The following BCAT2 variants were observed in gnomAD, a reference collection of about 807,000 sequenced individuals.
BCAT2 encodes branched chain amino acid transaminase 2, also known as branched-chain-amino-acid aminotransferase, mitochondrial.
In BCAT2, 44 loss-of-function variants were observed where a neutral mutation model predicts 52.9. The observed-to-expected ratio is 0.83, with a 90% CI of 0.65 to 1.07. The LOEUF (loss-of-function observed/expected upper bound fraction) is 1.07. Among genes scored for constraint, BCAT2 ranks in the 50% least tolerant of loss-of-function variants. The pLI is 0.00. For synonymous variants in BCAT2, 215 were observed against 217.1 expected, an observed-to-expected ratio of 0.99 and a Z score of 0.08; for missense variants, 478 against 521.8, an observed-to-expected ratio of 0.92 and a Z score of 0.82.
In BCAT2 at chr19:48,797,026, G is replaced by C; in HGVS notation, c.839-4C>G. Reference sequence around the variant, plus strand: ...GGGGGCGTCACCAGCTCCAGCACTAGGGCAGGTGTAAGGGGTGGAAGATGT... The same window carrying C: ...GGGGGCGTCACCAGCTCCAGCACTACGGCAGGTGTAAGGGGTGGAAGATGT... On this transcript the variant is annotated splice_polypyrimidine_tract_variant and splice_region_variant and intron_variant, in intron 7 of 10. Transcript: ENST00000316273. 6.2e-7 allele frequency: 1 copy of C among 1,614,164 alleles called. No individual in the cohort carries two copies. Among genetic ancestry groups the C allele is most frequent in the Non-Finnish European group, 8.5e-7 (1 of 1,180,012 alleles).
In BCAT2 at chr19:48,807,411, C is replaced by T. The variant is rs2122696130; in HGVS notation, c.25-337G>A. The T allele has an allele frequency of 8.3e-6, 2 of 240,788 alleles. No individual in the cohort carries two copies. Among genetic ancestry groups the T allele is most frequent in the African/African-American group, 2.3e-5 (1 of 42,838 alleles). The allele number at this position is 240,788 out of a possible 1,614,324, so 14.9% of individuals were successfully genotyped here. On this transcript the variant is annotated intron_variant, in intron 1 of 10. Transcript: ENST00000316273. This position sits in a 1 kb window ranked among gnomAD's most constrained non-coding sequence, Gnocchi z 4.6. ...GGGAAGGCACACAGGTAAGTGAAGG[C>T]CTCCGGGTACCCAAGTGCTGACAGG... is the stretch of plus-strand genomic sequence containing the variant.
At position 48,799,642 on chromosome 19, in the gene BCAT2, G is replaced by T; in HGVS notation, c.695+33C>A. ...TCCCTGTGTCTCCAACGCCCAGTGC[G>T]CCAGTCGTTCTGGGGATGGGGGTGC... On this transcript the variant is annotated intron_variant, in intron 6 of 10. Coordinates refer to ENST00000316273, the MANE Select transcript of BCAT2 (RefSeq NM_001190.4). This position sits in a 1 kb window ranked among gnomAD's most constrained non-coding sequence, Gnocchi z 5.5. 1 of 1,532,722 alleles carries T rather than the reference G, an allele frequency of 6.5e-7. No homozygotes were observed. The highest frequency in any genetic ancestry group is 1.3e-5 in the South Asian group (1 of 78,538). The allele number at this position is 1,532,722 out of a possible 1,614,324, so 94.9% of individuals were successfully genotyped here.
In BCAT2 at chr19:48,800,252, G is replaced by A. The variant is rs751932058; in HGVS notation, c.346C>T (p.Arg116Cys). Residue 116 changes from arginine (R) to cysteine (C), a missense_variant, in exon 4 of 11, where the codon CGC becomes TGC. Coordinates refer to ENST00000316273, the MANE Select transcript of BCAT2 (RefSeq NM_001190.4). ...KAFKGKDQQVRLFRPWLNMDR... is the reference protein window; with the variant it reads ...KAFKGKDQQVCLFRPWLNMDR... ...ATGTTGAGCCAGGGGCGGAAGAGGC[G>A]CACCTGCTGGTCTTTGCCTTTGAAC... The A allele has an allele frequency of 2.5e-6, 4 of 1,613,782 alleles. No individual in the cohort carries two copies. The South Asian group carries it at 4.4e-5, about 18-fold the overall frequency.
intron 10 of BCAT2, 191 bp downstream of exon 10, chr19:48,796,237 A>C (rs1210624693): frequency 1.5e-6 from 1 of 688,536 alleles, no homozygotes; most frequent in Non-Finnish European, 2.4e-6. Flanking sequence ...GGAAAGGGTG[A>C]TTTAGCCCCA....
rs1298018189 is a variant in BCAT2 at position 48,797,321 on chromosome 19, G to A, written c.708C>T (p.Pro236=). The change falls in exon 7 of 11, where the codon CCC becomes CCT. Residue 236 remains proline (P), a synonymous_variant. Transcript: ENST00000316273. ...GTGCCTCCTGTTGCACTAACACGGT[G>A]GGCCCATAATTCCTGGTGGAGGGCA... is the stretch of plus-strand genomic sequence containing the variant. ...GNYKLGGNYG[P]TVLVQQEALK... The A allele has an allele frequency of 6.2e-7, 1 of 1,614,080 alleles. No homozygotes were observed. The highest frequency in any genetic ancestry group is 1.1e-5 in the South Asian group (1 of 91,066).
At chr19:48,796,885 GCCCTGGC>G in intron 8 of BCAT2, 45 bp downstream of exon 8, 1 of 1,606,248 alleles carries the variant, frequency 6.2e-7, no homozygotes, top group Non-Finnish European at 8.5e-7. Context: ...GCCCTCTGAT[GCCCTGGC>G]CCCTGGCACA....
chr19:48,806,949 C>G (rs1370204256), intron 2 of BCAT2, 51 bp downstream of exon 2: 1 of 1,590,000 alleles, frequency 6.3e-7, no homozygotes, highest in Non-Finnish European at 8.6e-7. Context: ...CCAAAACCAG[C>G]TGCCAGCCCC....
At position 48,796,956 on chromosome 19, in the gene BCAT2, A is replaced by G; in HGVS notation, c.905T>C (p.Leu302Pro). The G allele has an allele frequency of 6.2e-7, 1 of 1,614,198 alleles. No homozygotes were observed. Among genetic ancestry groups the G allele is most frequent in the Non-Finnish European group, 8.5e-7 (1 of 1,180,014 alleles). The change falls in exon 8 of 11, where the codon CTG becomes CCG. Residue 302 changes from leucine to proline, a missense_variant. By Grantham distance (98) the Leu-to-Pro change is moderately conservative (BLOSUM62 -3). Coordinates refer to ENST00000316273, the MANE Select transcript of BCAT2 (RefSeq NM_001190.4). ...CCTCACCCAGGTCTGAGCCATGTCC[A>G]GTAGACTCTGTCTGACCACTCCAGG... ...ILPGVVRQSL[L>P]DMAQTWGEFR...
At position 48,807,907 on chromosome 19, in the gene BCAT2, C is replaced by T. The variant is rs1027411579; in HGVS notation, c.25-833G>A. The stretch of plus-strand genomic sequence containing the variant: ...AGGGGAGTAGGAAGAGCAGGTCTGG[C>T]TGTGTCCAGCAGGCTGGGCCCTCTC... On this transcript the variant is annotated intron_variant, in intron 1 of 10. Coordinates refer to ENST00000316273, the MANE Select transcript of BCAT2 (RefSeq NM_001190.4). The surrounding 1 kb of genome is among the most constrained non-coding windows in gnomAD (Gnocchi z 4.6). The T allele has an allele frequency of 2.0e-6, 2 of 985,852 alleles. No individual in the cohort carries two copies. The highest frequency in any genetic ancestry group is 2.4e-6 in the Non-Finnish European group (2 of 830,212). 61.1% of individuals were successfully genotyped at this position (985,852 alleles called of 1,614,324 possible).
At chr19:48,804,774 G>A (rs1238314649) in intron 3 of BCAT2, among the ~76,000 whole-genome samples, 1 of 152,140 alleles carries the variant, frequency 6.6e-6, no homozygotes, top group Non-Finnish European at 1.5e-5. Flanking sequence ...CCCAGCCAGA[G>A]GACAACTGCT....
chr19:48,797,126 C>G (rs529689072), intron 7 of BCAT2, 65 bp downstream of exon 7: 1 of 1,607,480 alleles, frequency 6.2e-7, no homozygotes, highest in African/African-American at 1.3e-5. Context: ...GGGCCTGTAA[C>G]CTGCCAGGAA....
intron 7 of BCAT2, 29 bp downstream of exon 7, chr19:48,797,162 G>T: frequency 6.2e-7 from 1 of 1,612,634 alleles, no homozygotes; most frequent in Non-Finnish European, 8.5e-7. Flanking sequence ...CTTCCACCAG[G>T]GTTCGGGCTG....
At position 48,799,464 on chromosome 19, in the gene BCAT2, C is replaced by T. The variant is rs1024324573; in HGVS notation, c.695+211G>A. 1.6e-6 allele frequency: 1 copy of T among 642,558 alleles called. No homozygotes were observed. The highest frequency in any genetic ancestry group is 2.4e-6 in the Non-Finnish European group (1 of 412,808). The allele number at this position is 642,558 out of a possible 1,614,324, so 39.8% of individuals were successfully genotyped here. ...ACCCAATGCCTTCCCATCTGTGAGC[C>T]TTTTTGTCCATCTGAAAAATAATCC... On this transcript the variant is annotated intron_variant, in intron 6 of 10. Transcript: ENST00000316273. This position sits in a 1 kb window ranked among gnomAD's most constrained non-coding sequence, Gnocchi z 5.5.
rs1257777221 is a variant in BCAT2, at chr19:48,799,356, TG to T, written c.695+318del. 2.2e-5 allele frequency: 6 copies of T among 268,712 alleles called. No individual in the cohort carries two copies. Among genetic ancestry groups the T allele is most frequent in the African/African-American group, 1.3e-4 (6 of 45,076 alleles). The allele number at this position is 268,712 out of a possible 1,614,324, so 16.6% of individuals were successfully genotyped here. ...AGCCTGGGGGATCAGGGGAGGCTTCTGGGGCGAGAAGCCAATGAGCTGAGTG... is the reference window on the plus strand; with the variant it reads ...AGCCTGGGGGATCAGGGGAGGCTTCTGGGCGAGAAGCCAATGAGCTGAGTG... On this transcript the variant is annotated intron_variant, in intron 6 of 10. Coordinates refer to ENST00000316273, the MANE Select transcript of BCAT2 (RefSeq NM_001190.4). The surrounding 1 kb of genome is among the most constrained non-coding windows in gnomAD (Gnocchi z 5.5).
intron 7 of BCAT2, 28 bp downstream of exon 7, chr19:48,797,163 G>C (rs1368680263): frequency 4.3e-6 from 7 of 1,612,594 alleles, no homozygotes; most frequent in Non-Finnish European, 5.9e-6. Context: ...TTCCACCAGG[G>C]TTCGGGCTGG....
intron 3 of BCAT2, among the ~76,000 whole-genome samples, chr19:48,805,285 C>T (rs1302087745): frequency 6.6e-6 from 1 of 152,118 alleles, no homozygotes. Context: ...AAAGCCGCTC[C>T]TCCTCCTGGG....
At chr19:48,805,560 G>A (rs1042155474) in intron 3 of BCAT2, among the ~76,000 whole-genome samples, 3 of 151,978 alleles carry the variant, frequency 2.0e-5, no homozygotes, top group South Asian at 2.1e-4. Flanking sequence ...CTCTACTCCC[G>A]TTTGGGGTTT....
rs2034613166 is a variant in BCAT2 at position 48,799,769 on chromosome 19, A to G, written c.601T>C (p.Phe201Leu). The G allele has an allele frequency of 4.4e-6, 7 of 1,573,926 alleles. No homozygotes were observed. The East Asian group carries it at 1.6e-4, about 36-fold the overall frequency. The change falls in exon 6 of 11, where the codon TTC becomes CTC. Residue 201 changes from phenylalanine to leucine, a missense_variant. Transcript: ENST00000316273. The surrounding 1 kb of genome is among the most constrained non-coding windows in gnomAD (Gnocchi z 5.5). ...ACCGGGGTCACGGAGCCTCCAGGGA[A>G]GTAGGCACCCACTGGGCAGAGAATG... is the stretch of plus-strand genomic sequence containing the variant. Reference protein sequence around the residue: ...FVILCPVGAYFPGGSVTPVSL... With the variant: ...FVILCPVGAYLPGGSVTPVSL...
intron 3 of BCAT2, among the ~76,000 whole-genome samples, chr19:48,803,363 T>A (rs977221943): frequency 6.1e-5 from 9 of 148,538 alleles, no homozygotes; most frequent in Admixed American, 2.7e-4. Context: ...TAAAAAAAAA[T>A]AAAATAAAAT....
Sources: allele counts gnomAD v4.1 joint callset (sites outside exome capture counted in the v4.1 genomes callset), GRCh38; gene constraint gnomAD v4.1.1; non-coding constraint Gnocchi (gnomAD v3.1); transcripts MANE v1.5; gene names NCBI Gene and HGNC (gene_info 2026-07-23, HGNC 2026-07-21).